The following CDKN1B variants were observed in gnomAD, a reference collection of about 807,000 sequenced individuals.
CDKN1B encodes the protein cyclin-dependent kinase inhibitor 1B.
A neutral mutation model predicts 17.1 loss-of-function variants in CDKN1B; 7 were observed. The observed-to-expected ratio is 0.41, with a 90% CI of 0.23 to 0.77. The LOEUF is 0.77. Ranked by LOEUF, CDKN1B falls within the 30% of genes least tolerant of loss-of-function variation. The probability of loss-of-function intolerance (pLI) is 0.33; values close to 1 mark genes in which losing one functional copy is unlikely to be tolerated. For synonymous variants in CDKN1B, 149 were observed against 104.3 expected (o/e 1.43, Z -2.61); for missense variants, 337 against 262.0 (o/e 1.29, Z -1.98).
At position 12,717,672 on chromosome 12, in the gene CDKN1B, C is replaced by G. The variant is rs2136355091; in HGVS notation, c.-168C>G. 1 of 1,505,206 alleles carries G rather than the reference C, an allele frequency of 6.6e-7. No individual in the cohort carries two copies. The highest frequency in any genetic ancestry group is 1.2e-5 in the South Asian group (1 of 80,138). The allele number at this position is 1,505,206 out of a possible 1,614,324, so 93.2% of individuals were successfully genotyped here. A position where few individuals can be genotyped will look rare whatever the true frequency, so the allele number is the denominator to read the frequency against. ...GGCCGGGGCTTCCCCGCAGCCCCTG[C>G]GCGCTCCTAGAGCTCGGGCCGTGGC... On this transcript the variant is annotated 5_prime_UTR_variant, in exon 1 of 3. Transcript: ENST00000228872.
intron 2 of CDKN1B, 147 bp downstream of exon 2, chr12:12,719,101 A>T (rs1946516964): frequency 2.2e-6 from 2 of 913,384 alleles, no homozygotes; most frequent in Non-Finnish European, 3.4e-6. Flanking sequence ...GCAATGGGGA[A>T]GGCTGGGGAT....
At position 12,718,073 on chromosome 12, in the gene CDKN1B, G is replaced by A. The variant is rs751794433; in HGVS notation, c.234G>A (p.Glu78=). The change falls in exon 1 of 3, where the codon GAG becomes GAA. Residue 78 remains glutamate, a synonymous_variant. Transcript: ENST00000228872. ...TAGAGGGCAAGTACGAGTGGCAAGA[G>A]GTGGAGAAGGGCAGCTTGCCCGAGT... is the stretch of plus-strand genomic sequence containing the variant. ...KPLEGKYEWQ[E]VEKGSLPEFY... is the part of the protein sequence containing the mutation. 1.0e-4 allele frequency: 161 copies of A among 1,614,128 alleles called. No individual in the cohort carries two copies. Among genetic ancestry groups the A allele is most frequent in the Non-Finnish European group, 1.1e-4 (131 of 1,180,048 alleles).
Position 12,718,076 on chromosome 12 carries a change from G to A in CDKN1B, c.237G>A (p.Val79=), listed in dbSNP as rs2136355862. ...AGGGCAAGTACGAGTGGCAAGAGGT[G>A]GAGAAGGGCAGCTTGCCCGAGTTCT... is the stretch of plus-strand genomic sequence containing the variant. ...PLEGKYEWQE[V]EKGSLPEFYY... The change falls in exon 1 of 3, where the codon GTG becomes GTA. Residue 79 remains valine (V), a synonymous_variant. Coordinates refer to ENST00000228872, the MANE Select transcript of CDKN1B (RefSeq NM_004064.5). 3 of 1,614,208 alleles carry A rather than the reference G, an allele frequency of 1.9e-6. No individual in the cohort carries two copies.
chr12:12,720,376 C>T (rs1402214543), intron 2 of CDKN1B, among the ~76,000 whole-genome samples: 1 of 152,068 alleles, frequency 6.6e-6, no homozygotes, highest in African/African-American at 2.4e-5. Flanking sequence ...TGAGTATTTT[C>T]TGCATATGAA....
chr12:12,721,212 C>T lies in CDKN1B; in HGVS notation c.*185C>T. 1 of 756,114 alleles carries T rather than the reference C, an allele frequency of 1.3e-6. No individual in the cohort carries two copies. The highest frequency in any genetic ancestry group is 2.4e-6 in the Non-Finnish European group (1 of 408,614). 46.8% of individuals were successfully genotyped at this position (756,114 alleles called of 1,614,324 possible). A position where few individuals can be genotyped will look rare whatever the true frequency, so the allele number is the denominator to read the frequency against. On this transcript the variant is annotated 3_prime_UTR_variant, in exon 3 of 3. Coordinates refer to ENST00000228872, the MANE Select transcript of CDKN1B (RefSeq NM_004064.5). ...ATTTTAGGCACTCTTAAATGATCTG[C>T]CTCTAAAAGCGTTGGATGTAGCATT...
In CDKN1B at chr12:12,717,690, G is replaced by T. The variant is rs990113008; in HGVS notation, c.-150G>T. ...GCCCCTGCGCGCTCCTAGAGCTCGG[G>T]CCGTGGCTCGTCGGGGTCTGTGTCT... On this transcript the variant is annotated 5_prime_UTR_variant, in exon 1 of 3. Coordinates refer to ENST00000228872, the MANE Select transcript of CDKN1B (RefSeq NM_004064.5). 1 of 1,534,338 alleles carries T rather than the reference G, an allele frequency of 6.5e-7. No homozygotes were observed. Among genetic ancestry groups the T allele is most frequent in the African/African-American group, 1.4e-5 (1 of 72,752 alleles).
At chr12:12,720,298 G>A (rs1345100989) in intron 2 of CDKN1B, among the ~76,000 whole-genome samples, 3 of 152,124 alleles carry the variant, frequency 2.0e-5, no homozygotes, top group African/African-American at 7.2e-5. Context: ...GGCATTTGTA[G>A]GATTTAGTAA....
chr12:12,717,975 G>A lies in CDKN1B; in HGVS notation c.136G>A (p.Glu46Lys). ...CCACGAAGAGTTAACCCGGGACTTG[G>A]AGAAGCACTGCAGAGACATGGAAGA... ...VDHEELTRDL[E>K]KHCRDMEEAS... is the part of the protein sequence containing the mutation. Residue 46 changes from glutamate to lysine, a missense_variant, in exon 1 of 3, where the codon GAG (glutamate) becomes AAG (lysine). By Grantham distance (56) the Glu-to-Lys change is moderately conservative. Transcript: ENST00000228872. The A allele has an allele frequency of 6.2e-7, 1 of 1,614,246 alleles. No homozygotes were observed. Among genetic ancestry groups the A allele is most frequent in the Non-Finnish European group, 8.5e-7 (1 of 1,180,044 alleles).
chr12:12,720,376 C>A (rs1402214543), intron 2 of CDKN1B, among the ~76,000 whole-genome samples: 1 of 152,068 alleles, frequency 6.6e-6, no homozygotes, highest in Non-Finnish European at 1.5e-5. Flanking sequence ...TGAGTATTTT[C>A]TGCATATGAA....
chr12:12,720,474 T>A (rs1053317714), intron 2 of CDKN1B, among the ~76,000 whole-genome samples: 4 of 152,180 alleles, frequency 2.6e-5, no homozygotes, highest in African/African-American at 9.7e-5. Context: ...ATTTTTCAAA[T>A]TTAGAAAGTT....
intron 1 of CDKN1B, 57 bp from the exon 2 acceptor site, chr12:12,718,768 C>T (rs1946509468): frequency 6.2e-7 from 1 of 1,605,914 alleles, no homozygotes; most frequent in South Asian, 1.1e-5. Context: ...TTCTGCCAGC[C>T]ATTGTTTTTT....
In CDKN1B at chr12:12,721,453, T is replaced by C; in HGVS notation, c.*426T>C. On this transcript the variant is annotated 3_prime_UTR_variant, in exon 3 of 3. Transcript: ENST00000228872. ...AATTTTGGGGAAGGGTTTGAATTGT[T>C]TTCTTTAAAGATGTAATGTCCCTTT... The C allele has an allele frequency of 3.0e-6, 1 of 337,764 alleles. No homozygotes were observed. The highest frequency in any genetic ancestry group is 5.3e-6 in the Non-Finnish European group (1 of 187,470). 20.9% of individuals were successfully genotyped at this position (337,764 alleles called of 1,614,324 possible).
chr12:12,718,075 T>G lies in CDKN1B; in HGVS notation c.236T>G (p.Val79Gly), dbSNP rs1196963330. 2 of 1,613,936 alleles carry G rather than the reference T, an allele frequency of 1.2e-6. No individual in the cohort carries two copies. Reference sequence around the variant, plus strand: ...GAGGGCAAGTACGAGTGGCAAGAGGTGGAGAAGGGCAGCTTGCCCGAGTTC... The same window carrying G: ...GAGGGCAAGTACGAGTGGCAAGAGGGGGAGAAGGGCAGCTTGCCCGAGTTC... ...PLEGKYEWQE[V>G]EKGSLPEFYY... The change falls in exon 1 of 3, where the codon GTG (valine) becomes GGG (glycine). Residue 79 changes from valine to glycine, a missense_variant. Physicochemically the swap from Val to Gly is moderately radical, Grantham distance 109 (BLOSUM62 -3). Transcript: ENST00000228872.
intron 1 of CDKN1B, 87 bp from the exon 2 acceptor site, chr12:12,718,738 C>A (rs1946508734): frequency 6.6e-7 from 1 of 1,518,860 alleles, no homozygotes; most frequent in South Asian, 1.1e-5. Context: ...GGTTTTTCAT[C>A]CCCTGACTAT....
chr12:12,718,766 G>C (rs993010354), intron 1 of CDKN1B, 59 bp from the exon 2 acceptor site: 2 of 1,605,378 alleles, frequency 1.2e-6, no homozygotes, highest in East Asian at 2.2e-5. Flanking sequence ...ACTTCTGCCA[G>C]CCATTGTTTT....
intron 2 of CDKN1B, among the ~76,000 whole-genome samples, chr12:12,720,608 G>C (rs1198871749): frequency 2.0e-5 from 3 of 152,074 alleles, no homozygotes; most frequent in Non-Finnish European, 4.4e-5. Context: ...AGATTATTTA[G>C]AGTAGGGTTT....
intron 2 of CDKN1B, among the ~76,000 whole-genome samples, chr12:12,720,570 C>T (rs137924144): frequency 6.6e-6 from 1 of 152,056 alleles, no homozygotes; most frequent in African/African-American, 2.4e-5. Flanking sequence ...CCTAATTATC[C>T]TATTTATTTC....
chr12:12,719,692 G>A (rs896356262), intron 2 of CDKN1B, among the ~76,000 whole-genome samples: 2 of 152,186 alleles, frequency 1.3e-5, no homozygotes, highest in Non-Finnish European at 2.9e-5. Context: ...TAATTGTGCC[G>A]TAACAGGGTG....
intron 2 of CDKN1B, among the ~76,000 whole-genome samples, chr12:12,720,187 T>C (rs1261312464): frequency 1.4e-5 from 2 of 144,208 alleles, no homozygotes; most frequent in Non-Finnish European, 3.1e-5. Context: ...AACCTTAACA[T>C]GCGCAGCCCT....
Sources: gnomAD v4.1 joint callset for allele counts (sites outside exome capture counted in the v4.1 genomes callset) on GRCh38, gnomAD v4.1.1 for gene constraint, MANE v1.5 for transcripts, NCBI Gene and HGNC (gene_info 2026-07-23, HGNC 2026-07-21) for gene names.